The following PAK1 variants were observed in gnomAD, a reference collection of about 807,000 sequenced individuals.
The protein encoded by PAK1 is serine/threonine-protein kinase PAK 1.
PAK1 carries 29 observed loss-of-function variants against 67.4 expected under a neutral mutation model. The ratio of observed to expected loss-of-function variants is 0.43; its 90% confidence interval spans 0.32 to 0.59. The LOEUF (loss-of-function observed/expected upper bound fraction) is 0.59, where lower values mean the gene tolerates loss of function less well. PAK1 is among the 20% of genes least tolerant of loss of function. PAK1 has a pLI of 0.07. For synonymous variants in PAK1, 223 were observed against 237.4 expected (o/e 0.94, Z 0.56); for missense variants, 337 against 670.7 (o/e 0.50, Z 5.50).
chr11:77,496,066 T>G, the PAK1 span, among the ~76,000 whole-genome samples: 1 of 150,686 alleles, frequency 6.6e-6, no homozygotes, highest in Non-Finnish European at 1.5e-5. Flanking sequence ...GTCGCCAGGC[T>G]GGAGTGCAGT....
the PAK1 span, among the ~76,000 whole-genome samples, chr11:77,484,681 A>C: frequency 6.6e-6 from 1 of 152,182 alleles, no homozygotes; most frequent in African/African-American, 2.4e-5. Context: ...ACCAGTCACT[A>C]ACTTTGTGGG....
chr11:77,341,444 A>G (rs936137962), intron 10 of PAK1, among the ~76,000 whole-genome samples: 2 of 152,232 alleles, frequency 1.3e-5, no homozygotes, highest in Non-Finnish European at 2.9e-5. Flanking sequence ...GAATTTAGCA[A>G]GGGCTTATGG....
the PAK1 span, among the ~76,000 whole-genome samples, chr11:77,496,549 T>C: frequency 6.6e-6 from 1 of 151,834 alleles, no homozygotes; most frequent in Non-Finnish European, 1.5e-5. Flanking sequence ...TGTTTGAGCC[T>C]GGGAGGTAGA....
chr11:77,523,420 CTT>C, the PAK1 span, among the ~76,000 whole-genome samples: 20 of 140,262 alleles, frequency 1.4e-4, no homozygotes, highest in East Asian at 2.1e-4. Context: ...ATGCTTTCTA[CTT>C]TTTTTTTTTT....
At chr11:77,353,127 C>T (rs1249834378) in intron 8 of PAK1, 6 of 162,326 alleles carry the variant, frequency 3.7e-5, no homozygotes, top group Non-Finnish European at 8.0e-5. Context: ...TAAATTCTGG[C>T]ATCTACCTAG....
intron 2 of PAK1, among the ~76,000 whole-genome samples, chr11:77,388,321 A>G (rs1030212355): frequency 1.3e-5 from 2 of 152,222 alleles, no homozygotes; most frequent in South Asian, 2.1e-4. Flanking sequence ...CGCCTTTGCA[A>G]CATCACATTT....
At position 77,392,560 on chromosome 11, in the gene PAK1, A is replaced by G. The variant is rs374137087; in HGVS notation, c.-21-19T>C. Reference sequence around the variant, plus strand: ...GCAGCTACTAGAATCAGAAATAAGAACAATATAACTCTTTTATTATTTTTG... The same window carrying G: ...GCAGCTACTAGAATCAGAAATAAGAGCAATATAACTCTTTTATTATTTTTG... On this transcript the variant is annotated intron_variant, in intron 1 of 14. Coordinates refer to ENST00000356341, the MANE Select transcript of PAK1 (RefSeq NM_002576.5). The G allele has an allele frequency of 9.2e-5, 141 of 1,526,306 alleles. No individual in the cohort carries two copies. The highest frequency in any genetic ancestry group is 1.2e-4 in the Non-Finnish European group (133 of 1,126,512). 94.5% of individuals were successfully genotyped at this position (1,526,306 alleles called of 1,614,324 possible).
intron 1 of PAK1, chr11:77,397,180 C>T (rs1211848363): frequency 6.6e-6 from 1 of 152,206 alleles, no homozygotes; most frequent in Non-Finnish European, 1.5e-5. Flanking sequence ...ATGAATACAA[C>T]AGACAGAGAG....
intron 13 of PAK1, among the ~76,000 whole-genome samples, chr11:77,335,292 T>C (rs1238494631): frequency 6.6e-6 from 1 of 152,200 alleles, no homozygotes; most frequent in Admixed American, 6.5e-5. Flanking sequence ...AGTCCTGACT[T>C]CTCACCCTTG....
chr11:77,463,903 C>A (rs1957477125), intron 1 of PAK1, among the ~76,000 whole-genome samples: 1 of 152,090 alleles, frequency 6.6e-6, no homozygotes, highest in African/African-American at 2.4e-5. Context: ...TACGGTTAGC[C>A]TTAAAGAAAA....
At chr11:77,467,508 T>C (rs1398515251) in intron 1 of PAK1, among the ~76,000 whole-genome samples, 1 of 152,200 alleles carries the variant, frequency 6.6e-6, no homozygotes, top group Admixed American at 6.5e-5. Flanking sequence ...TTTCATATAA[T>C]ACTTACATAA....
At chr11:77,504,945 A>G in the PAK1 span, among the ~76,000 whole-genome samples, 192 of 152,346 alleles carry the variant, frequency 1.3e-3, 1 homozygote, top group Non-Finnish European at 2.0e-3. Flanking sequence ...AAGAAACTGA[A>G]GTATAGAAAA....
At chr11:77,330,737 T>C (rs1255377297) in intron 14 of PAK1, among the ~76,000 whole-genome samples, 2 of 152,182 alleles carry the variant, frequency 1.3e-5, no homozygotes, top group Non-Finnish European at 2.9e-5. Flanking sequence ...AAGGACTTCA[T>C]GTCTAAAACA....
intron 14 of PAK1, chr11:77,325,502 A>T: frequency 1.1e-6 from 1 of 929,748 alleles, no homozygotes; most frequent in Non-Finnish European, 1.6e-6. Context: ...AATATAACCC[A>T]TTTATTACTA....
At chr11:77,439,146 CTTTAG>C (rs1169740939) in intron 1 of PAK1, among the ~76,000 whole-genome samples, 1 of 152,156 alleles carries the variant, frequency 6.6e-6, no homozygotes, top group Non-Finnish European at 1.5e-5. Flanking sequence ...CCAAACTAAA[CTTTAG>C]TTTAGTTTTT....
intron 5 of PAK1, among the ~76,000 whole-genome samples, chr11:77,373,976 A>G (rs962730943): frequency 6.6e-6 from 1 of 152,240 alleles, no homozygotes; most frequent in Admixed American, 6.5e-5. Context: ...AAGCTCAAAG[A>G]GGCAAACTGA....
At chr11:77,394,141 T>C (rs73501489) in intron 1 of PAK1, among the ~76,000 whole-genome samples, 3,223 of 152,296 alleles carry the variant, frequency 0.021, 107 homozygotes, top group African/African-American at 0.074. Context: ...TCATTAGTCT[T>C]CCATGCTGCA....
chr11:77,497,810 T>C, the PAK1 span, among the ~76,000 whole-genome samples: 4 of 152,262 alleles, frequency 2.6e-5, no homozygotes, highest in African/African-American at 7.2e-5. Flanking sequence ...CTTTGAGATA[T>C]AGTGCTCACA....
intron 7 of PAK1, among the ~76,000 whole-genome samples, 157 bp from the exon 8 acceptor site, chr11:77,353,756 T>A (rs1012115559): frequency 6.6e-6 from 1 of 152,136 alleles, no homozygotes; most frequent in African/African-American, 2.4e-5. Flanking sequence ...CCCCCATAAG[T>A]CTCAACCAAA....
Sources: gnomAD v4.1 joint callset for allele counts (sites outside exome capture counted in the v4.1 genomes callset) on GRCh38, gnomAD v4.1.1 for gene constraint, MANE v1.5 for transcripts, NCBI Gene and HGNC (gene_info 2026-07-23, HGNC 2026-07-21) for gene names.